Variants in PHTF2 observed in about 807,000 individuals in gnomAD.
PHTF2 encodes putative homeodomain transcription factor 2.
Under a neutral mutation model 101.2 loss-of-function variants are expected in PHTF2, and 60 were observed. The ratio of observed to expected loss-of-function variants is 0.59; its 90% confidence interval spans 0.48 to 0.73. The LOEUF (loss-of-function observed/expected upper bound fraction) is 0.73. Among genes scored for constraint, PHTF2 ranks in the 30% least tolerant of loss-of-function variants. The pLI is 0.00. For missense variants in PHTF2, 747 were observed against 908.7 expected (o/e 0.82, Z 2.29); for synonymous variants, 311 against 307.3 (o/e 1.01, Z -0.13).
At chr7:77,855,045 G>A (rs1052339714) in intron 3 of PHTF2, among the ~76,000 whole-genome samples, 3 of 152,206 alleles carry the variant, frequency 2.0e-5, no homozygotes, top group Admixed American at 1.3e-4. Flanking sequence ...ATCACTCTTT[G>A]TAGCCATCAC....
At chr7:77,942,627 A>G (rs1279665748) in intron 15 of PHTF2, 73 bp from the exon 15 acceptor site, 3 of 813,906 alleles carry the variant, frequency 3.7e-6, no homozygotes, top group South Asian at 1.8e-5. Flanking sequence ...TATTGAAACC[A>G]TGGAAATTAT....
At chr7:77,847,424 C>T (rs140091419) in intron 2 of PHTF2, among the ~76,000 whole-genome samples, 24 of 152,296 alleles carry the variant, frequency 1.6e-4, no homozygotes, top group Non-Finnish European at 2.8e-4. Flanking sequence ...GATTTTGTGA[C>T]ATTTACCAGC....
At chr7:77,927,781 G>C (rs1804196092) in intron 11 of PHTF2, among the ~76,000 whole-genome samples, 2 of 152,184 alleles carry the variant, frequency 1.3e-5, no homozygotes, top group Non-Finnish European at 2.9e-5. Context: ...CATAATTAAG[G>C]CCTAGGGTGG....
In PHTF2 at chr7:77,949,747, T is replaced by C. The variant is rs114105453; in HGVS notation, c.2029T>C (p.Leu677=). 1.4e-3 allele frequency: 2,122 copies of C among 1,554,216 alleles called. 24 individuals carry two copies. The African/African-American group carries it at 0.026, about 19-fold the overall frequency. Residue 677 remains leucine, a synonymous_variant, in exon 17 of 20, where the codon TTA becomes CTA. Coordinates refer to ENST00000416283, the Ensembl canonical transcript of PHTF2. ...GGAATTGGTAATCTGGTGCATCTCG[T>C]TAACACTTTTTCTCCTAAGATTTGT... is the stretch of plus-strand genomic sequence containing the variant.
At chr7:77,922,698 C>T (rs999082819) in exon 11 of PHTF2, 7 of 1,609,602 alleles carry the variant, frequency 4.3e-6, no homozygotes, top group African/African-American at 2.7e-5. Flanking sequence ...ATACTCATTA[C>T]GTCGTCATGT....
At chr7:77,924,189 G>A (rs929729385) in intron 11 of PHTF2, 19 of 914,464 alleles carry the variant, frequency 2.1e-5, no homozygotes, top group Non-Finnish European at 1.6e-5. Flanking sequence ...CAGAAGATTT[G>A]TAGTGCTCTT....
rs58290945 is a variant in PHTF2 at position 77,925,495 on chromosome 7, GTTTTTTTTTTTTTTT to G, written c.1119+2734_1119+2748del. 8.9e-3 allele frequency among the ~76,000 whole-genome samples: 649 copies of G among 73,212 alleles called. 14 individuals carry two copies. Among genetic ancestry groups the G allele is most frequent in the African/African-American group, 0.035 (602 of 17,342 alleles). 48.0% of individuals were successfully genotyped at this position (73,212 alleles called of 152,430 possible). A position where few individuals can be genotyped will look rare whatever the true frequency, so the allele number is the denominator to read the frequency against. ...GCAATTATAGGCAATAGTTTTTAGG[GTTTTTTTTTTTTTTT>G]TTTTTTTTTTTTTTTTGAGACAGAG... On this transcript the variant is annotated intron_variant, in intron 11 of 19. Transcript: ENST00000416283.
At chr7:77,953,442 G>A (rs1023384810) in intron 18 of PHTF2, among the ~76,000 whole-genome samples, 6 of 152,124 alleles carry the variant, frequency 3.9e-5, no homozygotes, top group South Asian at 2.1e-4. Flanking sequence ...TTGTTCTACC[G>A]AAAGGTATTG....
At chr7:77,809,821 T>G (rs766579834) in intron 1 of PHTF2, among the ~76,000 whole-genome samples, 1 of 152,158 alleles carries the variant, frequency 6.6e-6, no homozygotes, top group Non-Finnish European at 1.5e-5. Context: ...GTCTCTTCAT[T>G]GATGATAGGC....
intron 1 of PHTF2, among the ~76,000 whole-genome samples, chr7:77,818,940 T>C (rs1794061856): frequency 6.6e-6 from 1 of 152,222 alleles, no homozygotes; most frequent in African/African-American, 2.4e-5. Context: ...ATAGTTTTCC[T>C]ATAGAGGTCT....
intron 3 of PHTF2, among the ~76,000 whole-genome samples, chr7:77,889,799 CTG>C (rs1230385174): frequency 6.6e-6 from 1 of 151,942 alleles, no homozygotes; most frequent in African/African-American, 2.4e-5. Flanking sequence ...CAGGGTTTCA[CTG>C]TGTTGGCCAG....
At chr7:77,894,829 A>G (rs528765155) in intron 5 of PHTF2, among the ~76,000 whole-genome samples, 1 of 152,288 alleles carries the variant, frequency 6.6e-6, no homozygotes, top group East Asian at 1.9e-4. Flanking sequence ...ATGGAAATAT[A>G]TGTAAAGGAT....
rs187631321 is a variant in PHTF2 at position 77,830,245 on chromosome 7, C to A, written c.-35-9976C>A. Among the ~76,000 whole-genome samples, 703 of 152,220 alleles carry A rather than the reference C, an allele frequency of 4.6e-3. 6 individuals are homozygous for A. The highest frequency in any genetic ancestry group is 6.5e-3 in the Non-Finnish European group (443 of 68,024). ...TCTGTGAGGGTTATATTCCAAGATC[C>A]CCAATGGAAACCTGAAGCCACAGAT... On this transcript the variant is annotated intron_variant, in intron 1 of 19. Coordinates refer to ENST00000416283, the Ensembl canonical transcript of PHTF2.
intron 9 of PHTF2, among the ~76,000 whole-genome samples, chr7:77,911,702 GTT>G (rs1393205488): frequency 6.6e-6 from 1 of 152,158 alleles, no homozygotes; most frequent in Non-Finnish European, 1.5e-5. Context: ...TTTGGGGAAA[GTT>G]TTCCAGATTT....
intron 11 of PHTF2, 137 bp downstream of exon 10, chr7:77,922,915 G>A (rs1484069437): frequency 2.3e-6 from 3 of 1,306,640 alleles, no homozygotes; most frequent in African/African-American, 3.0e-5. Context: ...TGTATGATCT[G>A]GATTTATAAA....
At chr7:77,830,838 A>G (rs1347275571) in intron 1 of PHTF2, among the ~76,000 whole-genome samples, 1 of 152,206 alleles carries the variant, frequency 6.6e-6, no homozygotes, top group African/African-American at 2.4e-5. Context: ...TGACCCGCCC[A>G]TTATTTTACT....
intron 11 of PHTF2, chr7:77,924,230 T>C (rs1803750003): frequency 1.6e-6 from 1 of 607,970 alleles, no homozygotes; most frequent in Non-Finnish European, 2.1e-6. Context: ...TTAAATTTAT[T>C]TTATAAATTA....
At chr7:77,811,029 A>G (rs113760519) in intron 1 of PHTF2, among the ~76,000 whole-genome samples, 2,781 of 152,036 alleles carry the variant, frequency 0.018, 98 homozygotes, top group African/African-American at 0.064. Context: ...TCAGCCTCCC[A>G]AGTAGCTGGG....
chr7:77,891,313 T>C (rs145815946), intron 3 of PHTF2, among the ~76,000 whole-genome samples: 42 of 152,318 alleles, frequency 2.8e-4, no homozygotes, highest in African/African-American at 9.4e-4. Context: ...TCATGTGGAA[T>C]CTATGTTCCC....
Sources: gnomAD v4.1 joint callset for allele counts (sites outside exome capture counted in the v4.1 genomes callset) on GRCh38, gnomAD v4.1.1 for gene constraint, MANE v1.5 for transcripts, NCBI Gene and HGNC (gene_info 2026-07-23, HGNC 2026-07-21) for gene names.